Variants in UNC13A observed in about 807,000 individuals in gnomAD.
The protein encoded by UNC13A is protein unc-13 homolog A.
In UNC13A, 61 loss-of-function variants were observed where a neutral mutation model predicts 219.7. The ratio of observed to expected loss-of-function variants is 0.28; its 90% CI spans 0.23 to 0.34. The LOEUF is 0.34. Ranked by LOEUF, UNC13A falls within the 10% of genes least tolerant of loss-of-function variation. UNC13A has a pLI of 1.00. For synonymous variants in UNC13A, 920 were observed against 884.6 expected (o/e 1.04, Z -0.71); for missense variants, 1,476 against 2,270.3 (o/e 0.65, Z 7.11).
rs1012415253 is a variant in UNC13A at position 17,627,797 on chromosome 19, G to C, written c.3831+66C>G. 1.3e-6 allele frequency: 2 copies of C among 1,512,482 alleles called. No homozygotes were observed. Among genetic ancestry groups the C allele is most frequent in the African/African-American group, 2.8e-5 (2 of 72,498 alleles). 93.7% of individuals were successfully genotyped at this position (1,512,482 alleles called of 1,614,324 possible). A position where few individuals can be genotyped will look rare whatever the true frequency, so the allele number is the denominator to read the frequency against. Reference sequence around the variant, plus strand: ...GGCCTGGTGGCATATGAGCTCAGGGGCCTGCAGGGACACAGTGGTGGGGGT... The same window carrying C: ...GGCCTGGTGGCATATGAGCTCAGGGCCCTGCAGGGACACAGTGGTGGGGGT... On this transcript the variant is annotated intron_variant, in intron 32 of 43. Transcript: ENST00000519716. This position sits in a 1 kb window ranked among gnomAD's most constrained non-coding sequence, Gnocchi z 4.7.
chr19:17,635,102 A>G (rs138708446), intron 26 of UNC13A, among the ~76,000 whole-genome samples: 2,033 of 151,578 alleles, frequency 0.013, 58 homozygotes, highest in African/African-American at 0.046. Context: ...ATCTGACCTC[A>G]TGATCCGCCT....
intron 3 of UNC13A, 140 bp from the exon 4 acceptor site, chr19:17,672,635 CATG>C (rs1301275789): frequency 3.3e-6 from 2 of 611,824 alleles, no homozygotes; most frequent in Non-Finnish European, 5.6e-6. Context: ...GGTAGGGTAA[CATG>C]GTGGTTCTCA....
chr19:17,641,881 C>A (rs1431084908), intron 20 of UNC13A, among the ~76,000 whole-genome samples: 2 of 152,000 alleles, frequency 1.3e-5, no homozygotes, highest in South Asian at 2.1e-4. Flanking sequence ...ATTTATCCAA[C>A]CATCCATTTT....
At chr19:17,643,892 C>T (rs1450025601) in intron 19 of UNC13A, among the ~76,000 whole-genome samples, 2 of 152,138 alleles carry the variant, frequency 1.3e-5, no homozygotes, top group Non-Finnish European at 2.9e-5. Context: ...GACACTGTTC[C>T]TGGGTCTGTG....
At chr19:17,633,635 A>G (rs1256983183) in intron 26 of UNC13A, among the ~76,000 whole-genome samples, 3 of 151,704 alleles carry the variant, frequency 2.0e-5, no homozygotes, top group Admixed American at 6.6e-5. Flanking sequence ...CTACCCATCT[A>G]TCTATTCATC....
intron 4 of UNC13A, 75 bp from the exon 5 acceptor site, chr19:17,669,751 G>T: frequency 6.7e-7 from 1 of 1,503,038 alleles, no homozygotes; most frequent in Non-Finnish European, 8.9e-7. Context: ...ACTCTCGCAT[G>T]AGACATCCCC....
chr19:17,640,658 G>A lies in UNC13A; in HGVS notation c.2640C>T (p.His880=), dbSNP rs751620054. 6.3e-7 allele frequency: 1 copy of A among 1,583,738 alleles called. No homozygotes were observed. The highest frequency in any genetic ancestry group is 1.2e-5 in the South Asian group (1 of 85,930). The change falls in exon 22 of 44, where the codon CAC becomes CAT. Residue 880 remains histidine (H), a synonymous_variant. Transcript: ENST00000519716. The part of the protein sequence containing the change: ...GVESIYQAMT[H]FACLSSKYMC... ...TATACTTGGAGGAGAGGCAGGCAAAGTGGCTGGAGAGAGGGAGCAGGAGGC... is the reference window on the plus strand; with the variant it reads ...TATACTTGGAGGAGAGGCAGGCAAAATGGCTGGAGAGAGGGAGCAGGAGGC...
intron 2 of UNC13A, among the ~76,000 whole-genome samples, chr19:17,675,577 G>A (rs1380258420): frequency 6.7e-6 from 1 of 149,228 alleles, no homozygotes; most frequent in Non-Finnish European, 1.5e-5. Flanking sequence ...GTTGCAGTGA[G>A]CCGAGATCAC....
At chr19:17,687,806 C>A (rs886518050) in intron 1 of UNC13A, among the ~76,000 whole-genome samples, 4 of 152,144 alleles carry the variant, frequency 2.6e-5, no homozygotes, top group Non-Finnish European at 4.4e-5. Context: ...CCCCTGCAGG[C>A]TTCAATCAAA....
In UNC13A at chr19:17,656,417, G is replaced by A; in HGVS notation, c.768-19C>T. 1 of 1,491,118 alleles carries A rather than the reference G, an allele frequency of 6.7e-7. No homozygotes were observed. Among genetic ancestry groups the A allele is most frequent in the Non-Finnish European group, 8.9e-7 (1 of 1,122,812 alleles). 92.4% of individuals were successfully genotyped at this position (1,491,118 alleles called of 1,614,324 possible). A position where few individuals can be genotyped will look rare whatever the true frequency, so the allele number is the denominator to read the frequency against. On this transcript the variant is annotated intron_variant, in intron 9 of 43. Transcript: ENST00000519716. ...CGTGGGGCTGTGGGGATGGAACAGG[G>A]TTCAGGGACTGGGGTACCGAGTCAC...
intron 5 of UNC13A, among the ~76,000 whole-genome samples, chr19:17,669,303 C>T (rs1422869761): frequency 2.6e-5 from 4 of 152,154 alleles, no homozygotes; most frequent in East Asian, 1.9e-4. Flanking sequence ...CAACCCTGAA[C>T]GCCCTCGGTC....
intron 1 of UNC13A, among the ~76,000 whole-genome samples, chr19:17,687,880 C>A (rs1304332406): frequency 6.6e-6 from 1 of 152,142 alleles, no homozygotes; most frequent in Non-Finnish European, 1.5e-5. Context: ...ACGCCCCAGT[C>A]TAGATCGTTT....
chr19:17,688,070 C>T, intron 1 of UNC13A, 108 bp downstream of exon 1: 1 of 1,383,748 alleles, frequency 7.2e-7, no homozygotes, highest in African/African-American at 1.5e-5. Context: ...AGTCCAGCCA[C>T]CTGGACTCGG....
At chr19:17,629,808 G>A (rs1047943891) in intron 30 of UNC13A, among the ~76,000 whole-genome samples, 1 of 151,060 alleles carries the variant, frequency 6.6e-6, no homozygotes, top group East Asian at 1.9e-4. Flanking sequence ...TTGCCAACTC[G>A]CACTAATGAC....
Position 17,649,562 on chromosome 19 carries a change from CGAT to C in UNC13A, c.1462_1464del (p.Ile488del). ...CTCTTGCGGATGTCTGGCATGCTGTCGATGATGATGAGACCGCCCCCTGGGCTG... is the reference window on the plus strand; with the variant it reads ...CTCTTGCGGATGTCTGGCATGCTGTCGATGATGAGACCGCCCCCTGGGCTG... On this transcript the variant is annotated inframe_deletion, in exon 13 of 44. Transcript: ENST00000519716. The surrounding 1 kb of genome is among the most constrained non-coding windows in gnomAD (Gnocchi z 4.4). 6.2e-7 allele frequency: 1 copy of C among 1,613,790 alleles called. No homozygotes were observed. Among genetic ancestry groups the C allele is most frequent in the Non-Finnish European group, 8.5e-7 (1 of 1,179,846 alleles).
intron 41 of UNC13A, chr19:17,616,394 G>C (rs968897418): frequency 1.4e-6 from 1 of 693,476 alleles, no homozygotes; most frequent in African/African-American, 1.8e-5. Flanking sequence ...CGGGCGGGAG[G>C]CGGAGGCACG....
chr19:17,677,369 CTTTTTTTTTTTAGGGACGGAGT>C (rs962701336), intron 1 of UNC13A, among the ~76,000 whole-genome samples: 2 of 89,340 alleles, frequency 2.2e-5, no homozygotes, highest in African/African-American at 1.2e-4. Flanking sequence ...TTTTTTTTTT[CTTTTTTTTTTTAGGGACGGAGT>C]CTTGCTCTAT....
intron 8 of UNC13A, among the ~76,000 whole-genome samples, chr19:17,660,552 G>A (rs1401055142): frequency 7.7e-6 from 1 of 129,832 alleles, no homozygotes; most frequent in Non-Finnish European, 1.6e-5. Context: ...TTTTTTTTGA[G>A]ACAGAGTCTC....
Position 17,647,461 on chromosome 19 carries a change from C to T in UNC13A, c.1848G>A (p.Ala616=). The change falls in exon 17 of 44, where the codon GCG becomes GCA. Residue 616 remains alanine (A), a synonymous_variant. Coordinates refer to ENST00000519716, the MANE Select transcript of UNC13A (RefSeq NM_001080421.3). The part of the protein sequence containing the change: ...RAAEKSSKHG[A]EDRTQNIIMV... ...TGATGATGTTCTGTGTCCGGTCCTCCGCCCCGTGCTTGGAGCTCTTCTCCG... is the reference window on the plus strand; with the variant it reads ...TGATGATGTTCTGTGTCCGGTCCTCTGCCCCGTGCTTGGAGCTCTTCTCCG... 1 of 1,613,320 alleles carries T rather than the reference C, an allele frequency of 6.2e-7. No individual in the cohort carries two copies. Among genetic ancestry groups the T allele is most frequent in the Non-Finnish European group, 8.5e-7 (1 of 1,179,746 alleles).
Sources: allele counts gnomAD v4.1 joint callset (sites outside exome capture counted in the v4.1 genomes callset), GRCh38; gene constraint gnomAD v4.1.1; non-coding constraint Gnocchi (gnomAD v3.1); transcripts MANE v1.5; gene names NCBI Gene and HGNC (gene_info 2026-07-23, HGNC 2026-07-21).